The following BRAF variants were observed in gnomAD, a reference collection of about 807,000 sequenced individuals.
BRAF encodes the protein serine/threonine-protein kinase B-raf.
BRAF carries 16 observed loss-of-function variants against 104.6 expected under a neutral mutation model. That is an observed-to-expected ratio of 0.15 (90% CI 0.10 to 0.23). The LOEUF (loss-of-function observed/expected upper bound fraction) is 0.23. BRAF is among the 10% of genes least tolerant of loss of function. BRAF has a pLI of 1.00. For synonymous variants in BRAF, 310 were observed against 341.6 expected (o/e 0.91, Z 1.02); for missense variants, 541 against 937.3 (o/e 0.58, Z 5.52).
At chr7:140,753,433 T>A (rs1241790705) in intron 15 of BRAF, 40 bp from the exon 15 acceptor site, 2 of 1,301,498 alleles carry the variant, frequency 1.5e-6, no homozygotes, top group Non-Finnish European at 2.2e-6. Context: ...AGATCTCATT[T>A]TCCTATCAGA....
intron 12 of BRAF, among the ~76,000 whole-genome samples, chr7:140,778,976 C>T (rs762313190): frequency 1.1e-4 from 17 of 152,132 alleles, no homozygotes; most frequent in Admixed American, 2.6e-4. Flanking sequence ...AAACTGGAAA[C>T]GATCCAATTG....
At chr7:140,843,171 T>A (rs1004910822) in intron 2 of BRAF, among the ~76,000 whole-genome samples, 5 of 152,216 alleles carry the variant, frequency 3.3e-5, no homozygotes, top group African/African-American at 7.2e-5. Flanking sequence ...AGGGGTGATA[T>A]GTGACCTCAT....
intron 18 of BRAF, among the ~76,000 whole-genome samples, chr7:140,735,645 C>A (rs1444490216): frequency 2.0e-5 from 3 of 152,006 alleles, no homozygotes; most frequent in Admixed American, 6.5e-5. Context: ...CAACCTCCCC[C>A]TCCTGGGTTC....
intron 1 of BRAF, among the ~76,000 whole-genome samples, chr7:140,874,014 A>G (rs1811908493): frequency 6.6e-6 from 1 of 152,178 alleles, no homozygotes; most frequent in Admixed American, 6.5e-5. Context: ...AATTGAGCAG[A>G]AATATTAGTA....
chr7:140,923,102 G>A (rs900212343), intron 1 of BRAF, among the ~76,000 whole-genome samples: 1 of 152,080 alleles, frequency 6.6e-6, no homozygotes, highest in Admixed American at 6.6e-5. Context: ...ATGTAACAAA[G>A]ATGATATAAA....
intron 2 of BRAF, chr7:140,835,082 A>G (rs1807182670): frequency 3.3e-6 from 2 of 597,788 alleles, no homozygotes; most frequent in African/African-American, 1.9e-5. Context: ...ACACTATATT[A>G]CACCTGATAA....
chr7:140,911,463 T>C (rs2129139971), intron 1 of BRAF, among the ~76,000 whole-genome samples: 1 of 152,108 alleles, frequency 6.6e-6, no homozygotes, highest in East Asian at 1.9e-4. Context: ...CACAATACGA[T>C]ATAGTGAGTA....
intron 1 of BRAF, among the ~76,000 whole-genome samples, chr7:140,865,555 C>A (rs1810877318): frequency 6.6e-6 from 1 of 152,074 alleles, no homozygotes; most frequent in African/African-American, 2.4e-5. Flanking sequence ...AATTAGAGAG[C>A]CAAAGGTATT....
rs535612605 is a variant in BRAF, at chr7:140,875,837, T to C, written c.139-25625A>G. Among the ~76,000 whole-genome samples the C allele has an allele frequency of 9.7e-4, 147 of 152,320 alleles. 1 individual carries two copies. The highest frequency in any genetic ancestry group is 3.3e-3 in the African/African-American group (139 of 41,574). On this transcript the variant is annotated intron_variant, in intron 1 of 19. Transcript: ENST00000644969. ...AAAAACTATCAAAGGTAGAATTCTA[T>C]ATCCAGTTAAAGTATCTTTCAGAGC...
At chr7:140,758,379 A>T (rs1452842185) in intron 14 of BRAF, 1 of 152,164 alleles carries the variant, frequency 6.6e-6, no homozygotes, top group Non-Finnish European at 1.5e-5. Flanking sequence ...AAAATATCGA[A>T]TAGGTAAAGT....
rs530456663 is a variant in BRAF, at chr7:140,856,554, A to C, written c.139-6342T>G. Among the ~76,000 whole-genome samples the C allele has an allele frequency of 1.1e-4, 16 of 152,354 alleles. No homozygotes were observed. The South Asian group carries it at 1.4e-3, about 14-fold the overall frequency. On this transcript the variant is annotated intron_variant, in intron 1 of 19. Coordinates refer to ENST00000644969, the MANE Select transcript of BRAF (RefSeq NM_001374258.1). ...AGAAGCATGAGGAAACTATAAAGAC[A>C]TGAGTTTTGAATCATACAGTCATCA...
chr7:140,843,616 C>T (rs117565501), intron 2 of BRAF, among the ~76,000 whole-genome samples: 671 of 152,242 alleles, frequency 4.4e-3, no homozygotes, highest in South Asian at 7.5e-3. Context: ...GAACATTTAT[C>T]TTCCAATATT....
At chr7:140,734,569 C>CT in intron 19 of BRAF, 1 of 1,613,246 alleles carries the variant, frequency 6.2e-7, no homozygotes, top group East Asian at 2.2e-5. Context: ...TTTGTTGCTA[C>CT]TCTCCTGAAC....
At chr7:140,802,800 C>G (rs1025798376) in intron 5 of BRAF, among the ~76,000 whole-genome samples, 1 of 151,874 alleles carries the variant, frequency 6.6e-6, no homozygotes, top group Non-Finnish European at 1.5e-5. Flanking sequence ...ACTTTATAAA[C>G]TTTTTAAAAA....
chr7:140,778,177 T>A (rs1237365808), intron 12 of BRAF, 102 bp from the exon 12 acceptor site: 3 of 971,718 alleles, frequency 3.1e-6, no homozygotes, highest in Non-Finnish European at 4.8e-6. Flanking sequence ...CCTAACTCCA[T>A]ACCATTATTA....
chr7:140,734,175 T>C, intron 19 of BRAF: 2 of 1,081,424 alleles, frequency 1.8e-6, no homozygotes, highest in South Asian at 8.4e-5. Flanking sequence ...TTGCCTTATC[T>C]AACCCAGGCT....
intron 15 of BRAF, 196 bp from the exon 15 acceptor site, chr7:140,753,589 C>A (rs1797962920): frequency 2.2e-6 from 1 of 458,934 alleles, no homozygotes. Context: ...CCTATATAAC[C>A]TGCTTTTAAG....
At chr7:140,872,044 C>T (rs569457532) in intron 1 of BRAF, among the ~76,000 whole-genome samples, 5 of 152,006 alleles carry the variant, frequency 3.3e-5, no homozygotes, top group South Asian at 4.2e-4. Context: ...TGGTGAACCC[C>T]GTTTCCACTA....
Position 140,734,786 on chromosome 7 carries a change from G to GAAAAAAAAAAAAAAAAAAAAA in BRAF, c.2248-17_2248-16insTTTTTTTTTTTTTTTTTTTTT, listed in dbSNP as rs370332827. On this transcript the variant is annotated splice_polypyrimidine_tract_variant and intron_variant, in intron 18 of 19. Transcript: ENST00000644969. ...AGGCGAGAATCTACAAAAAAAAAAAGAAAAAAAAAAGAAAAAAAAAGAAAA... is the reference window on the plus strand; with the variant it reads ...AGGCGAGAATCTACAAAAAAAAAAAGAAAAAAAAAAAAAAAAAAAAAAAAAAAAAAAGAAAAAAAAAGAAAA... 9.7e-6 allele frequency: 8 copies of GAAAAAAAAAAAAAAAAAAAAA among 823,222 alleles called. No individual in the cohort carries two copies. Among genetic ancestry groups the GAAAAAAAAAAAAAAAAAAAAA allele is most frequent in the Admixed American group, 6.6e-5 (1 of 15,054 alleles). 51.0% of individuals were successfully genotyped at this position (823,222 alleles called of 1,614,324 possible).
Sources: allele counts gnomAD v4.1 joint callset (sites outside exome capture counted in the v4.1 genomes callset), GRCh38; gene constraint gnomAD v4.1.1; transcripts MANE v1.5; gene names NCBI Gene and HGNC (gene_info 2026-07-23, HGNC 2026-07-21).